Variants in DLG2 observed in about 807,000 individuals in gnomAD.
DLG2 encodes disks large homolog 2.
In DLG2, 45 loss-of-function variants were observed where a neutral mutation model predicts 132.5. That is an observed-to-expected ratio of 0.34 (90% CI 0.27 to 0.44). The LOEUF is 0.44. Ranked by LOEUF, DLG2 falls within the 20% of genes least tolerant of loss-of-function variation. DLG2 has a pLI of 1.00. For synonymous variants in DLG2, 424 were observed against 419.6 expected, an observed-to-expected ratio of 1.01 and a Z score of -0.13; for missense variants, 1,045 against 1,196.9, an observed-to-expected ratio of 0.87 and a Z score of 1.87.
At chr11:84,281,434 T>A (rs2097853666) in intron 7 of DLG2, among the ~76,000 whole-genome samples, 1 of 152,118 alleles carries the variant, frequency 6.6e-6, no homozygotes, top group Non-Finnish European at 1.5e-5. Flanking sequence ...TCTTTTTTTT[T>A]GTCTTTTTTT....
intron 5 of DLG2, among the ~76,000 whole-genome samples, chr11:85,142,834 C>T (rs549857039): frequency 5.3e-5 from 8 of 151,840 alleles, no homozygotes; most frequent in South Asian, 2.1e-4. Flanking sequence ...ATCCTTCATT[C>T]GGTCAATATG....
intron 3 of DLG2, among the ~76,000 whole-genome samples, chr11:85,319,608 T>A (rs1444975764): frequency 2.6e-5 from 4 of 151,796 alleles, no homozygotes; most frequent in African/African-American, 7.2e-5. Flanking sequence ...AAAGATATCA[T>A]CCACAAGGTA....
chr11:85,267,043 T>C (rs2077256152), intron 4 of DLG2, among the ~76,000 whole-genome samples: 1 of 152,218 alleles, frequency 6.6e-6, no homozygotes, highest in Non-Finnish European at 1.5e-5. Flanking sequence ...AGGATTTTGC[T>C]ATGGACTGGA....
At chr11:85,267,880 T>TG (rs1555019857) in intron 4 of DLG2, among the ~76,000 whole-genome samples, 1 of 75,934 alleles carries the variant, frequency 1.3e-5, no homozygotes, top group Non-Finnish European at 3.3e-5. Context: ...GTGATGACTT[T>TG]TGTATGTGTG....
chr11:84,860,740 T>C (rs17147659), intron 6 of DLG2, among the ~76,000 whole-genome samples: 6,335 of 152,140 alleles, frequency 0.042, 197 homozygotes, highest in African/African-American at 0.081. Flanking sequence ...AGCTAATGTT[T>C]TGGAATATTA....
chr11:85,516,570 T>A (rs2094173843), intron 3 of DLG2, among the ~76,000 whole-genome samples: 1 of 151,796 alleles, frequency 6.6e-6, no homozygotes, highest in Non-Finnish European at 1.5e-5. Context: ...GACAATTCAA[T>A]CAGAAATTTA....
chr11:84,109,951 T>A (rs927887315), intron 9 of DLG2, among the ~76,000 whole-genome samples: 4 of 152,148 alleles, frequency 2.6e-5, no homozygotes, highest in African/African-American at 9.7e-5. Flanking sequence ...ATTCTACCCC[T>A]GAAATACCCC....
intron 6 of DLG2, among the ~76,000 whole-genome samples, chr11:84,597,477 A>G (rs1393968656): frequency 6.6e-6 from 1 of 152,172 alleles, no homozygotes; most frequent in East Asian, 1.9e-4. Flanking sequence ...TCTTTTTAAC[A>G]TGAGAACAAT....
chr11:85,218,505 C>T (rs987894306), intron 4 of DLG2, among the ~76,000 whole-genome samples: 5 of 151,982 alleles, frequency 3.3e-5, no homozygotes, highest in African/African-American at 1.2e-4. Context: ...CAAATCAAAA[C>T]CACAATGAGA....
intron 6 of DLG2, among the ~76,000 whole-genome samples, chr11:84,714,623 T>TTCTCTCTCTCTCTCTCTCTC (rs1284319609): frequency 2.9e-5 from 3 of 105,044 alleles, no homozygotes; most frequent in African/African-American, 8.5e-5. Context: ...CTCTTTCTCT[T>TTCTCTCTCTCTCTCTCTCTC]TCTCTCTCTC....
At chr11:85,489,326 A>C (rs1308290287) in intron 3 of DLG2, among the ~76,000 whole-genome samples, 1 of 152,226 alleles carries the variant, frequency 6.6e-6, no homozygotes, top group Non-Finnish European at 1.5e-5. Flanking sequence ...ATGTCACTAT[A>C]TAATAATAAA....
chr11:84,611,515 T>C (rs932833028), intron 6 of DLG2, among the ~76,000 whole-genome samples: 9 of 152,120 alleles, frequency 5.9e-5, no homozygotes, highest in Admixed American at 5.9e-4. Context: ...TCATTATTAG[T>C]CTCCTGCCTG....
chr11:84,116,356 T>C (rs1051293734), intron 9 of DLG2, among the ~76,000 whole-genome samples: 5 of 152,214 alleles, frequency 3.3e-5, no homozygotes, highest in African/African-American at 1.2e-4. Flanking sequence ...CATGTTTTGT[T>C]AGTCCATTCT....
At position 84,840,571 on chromosome 11, in the gene DLG2, G is replaced by T. The variant is rs192405808; in HGVS notation, c.357+271090C>A. Among the ~76,000 whole-genome samples, 53 of 152,230 alleles carry T rather than the reference G, an allele frequency of 3.5e-4. No homozygotes were observed. The East Asian group carries it at 0.01, about 29-fold the overall frequency. On this transcript the variant is annotated intron_variant, in intron 6 of 27. Transcript: ENST00000376104. ...GTTTATTGTGGCACTATTCACAATAGCAAAGACTTGGAACCAACCCAAATG... is the reference window on the plus strand; with the variant it reads ...GTTTATTGTGGCACTATTCACAATATCAAAGACTTGGAACCAACCCAAATG...
chr11:83,461,304 G>A (rs377403906), intron 27 of DLG2, among the ~76,000 whole-genome samples: 13 of 151,872 alleles, frequency 8.6e-5, no homozygotes, highest in African/African-American at 2.9e-4. Flanking sequence ...AGCCCAGCTC[G>A]AAAGTTCTTG....
At chr11:85,000,508 C>T (rs528108177) in intron 6 of DLG2, among the ~76,000 whole-genome samples, 5 of 152,254 alleles carry the variant, frequency 3.3e-5, no homozygotes, top group Non-Finnish European at 4.4e-5. Flanking sequence ...CTCATCTATA[C>T]ACACAAAACA....
intron 6 of DLG2, among the ~76,000 whole-genome samples, chr11:84,901,098 T>C (rs2090829123): frequency 6.6e-6 from 1 of 152,056 alleles, no homozygotes; most frequent in Non-Finnish European, 1.5e-5. Flanking sequence ...AATAGACATT[T>C]AAAAATCCAT....
intron 7 of DLG2, among the ~76,000 whole-genome samples, chr11:84,371,752 A>G (rs1195797244): frequency 6.6e-6 from 1 of 152,218 alleles, no homozygotes; most frequent in Non-Finnish European, 1.5e-5. Flanking sequence ...GATATAATCT[A>G]TGAAAATTTT....
chr11:83,634,229 TA>T (rs989378690), intron 18 of DLG2, among the ~76,000 whole-genome samples: 2 of 152,116 alleles, frequency 1.3e-5, no homozygotes, highest in Admixed American at 6.6e-5. Context: ...GTTATGGGGA[TA>T]AAAAAATCAA....
Sources: gnomAD v4.1 joint callset for allele counts (sites outside exome capture counted in the v4.1 genomes callset) on GRCh38, gnomAD v4.1.1 for gene constraint, MANE v1.5 for transcripts, NCBI Gene and HGNC (gene_info 2026-07-23, HGNC 2026-07-21) for gene names.